Variants in MTUS2 observed in about 807,000 individuals in gnomAD.
MTUS2 encodes microtubule-associated tumor suppressor candidate 2.
Under a neutral mutation model 114.1 loss-of-function variants are expected in MTUS2, and 40 were observed. That is an observed-to-expected ratio of 0.35 (90% CI 0.27 to 0.46). The LOEUF (loss-of-function observed/expected upper bound fraction) is 0.46. MTUS2 is among the 20% of genes least tolerant of loss of function. The pLI, the probability that MTUS2 is intolerant of heterozygous loss-of-function variation, is 1.00. For missense variants in MTUS2, 1,679 were observed against 1,705.4 expected (o/e 0.98, Z 0.27); for synonymous variants, 688 against 672.0 (o/e 1.02, Z -0.37).
chr13:29,362,504 C>G (rs927057485), intron 8 of MTUS2, among the ~76,000 whole-genome samples: 16 of 111,120 alleles, frequency 1.4e-4, no homozygotes, highest in African/African-American at 4.3e-4. Context: ...TGGTGAAACC[C>G]CATCTCTACC....
Position 28,970,522 on chromosome 13 carries a change from G to C in MTUS2, c.-242-53935G>C, listed in dbSNP as rs116292034. Among the ~76,000 whole-genome samples the C allele has an allele frequency of 1.5e-3, 236 of 152,342 alleles. 1 individual carries two copies. The highest frequency in any genetic ancestry group is 5.1e-3 in the African/African-American group (211 of 41,576). On this transcript the variant is annotated intron_variant, in intron 2 of 15. Coordinates refer to ENST00000612955, the MANE Select transcript of MTUS2 (RefSeq NM_001033602.4). The stretch of plus-strand genomic sequence containing the variant: ...CAACAGGGACTGTGTGGCCTGCAAA[G>C]CCTGAAGTATTTGCTCTATGGCTGT...
intron 5 of MTUS2, among the ~76,000 whole-genome samples, chr13:29,242,279 T>A (rs1207926141): frequency 6.6e-6 from 1 of 152,190 alleles, no homozygotes; most frequent in Non-Finnish European, 1.5e-5. Flanking sequence ...CTACTGTCTA[T>A]CAATTTGCCT....
intron 5 of MTUS2, among the ~76,000 whole-genome samples, chr13:29,145,715 T>G (rs1487597610): frequency 6.6e-6 from 1 of 152,146 alleles, no homozygotes; most frequent in African/African-American, 2.4e-5. Flanking sequence ...AGAAATATTT[T>G]TCTGCAGCTT....
intron 5 of MTUS2, among the ~76,000 whole-genome samples, chr13:29,105,621 T>A (rs1593481912): frequency 2.7e-5 from 4 of 147,288 alleles, no homozygotes; most frequent in Non-Finnish European, 3.0e-5. Context: ...AAAAAACAAG[T>A]AAAAAAAAAA....
chr13:29,157,696 A>G (rs141404891), intron 5 of MTUS2, among the ~76,000 whole-genome samples: 1 of 152,318 alleles, frequency 6.6e-6, no homozygotes, highest in Non-Finnish European at 1.5e-5. Context: ...GTATGTGGCC[A>G]CTAAGTCAGA....
At chr13:29,137,570 C>T (rs547565064) in intron 5 of MTUS2, among the ~76,000 whole-genome samples, 30 of 151,620 alleles carry the variant, frequency 2.0e-4, no homozygotes, top group African/African-American at 7.0e-4. Flanking sequence ...CTTCTTTGTT[C>T]TTTCTTCTTC....
intron 5 of MTUS2, among the ~76,000 whole-genome samples, chr13:29,173,789 TA>T (rs910109870): frequency 1.3e-5 from 2 of 152,062 alleles, no homozygotes; most frequent in Admixed American, 6.6e-5. Flanking sequence ...AAACCTGCAT[TA>T]AAAAAACTCC....
At chr13:29,422,041 G>A (rs550726615) in intron 8 of MTUS2, among the ~76,000 whole-genome samples, 2 of 152,270 alleles carry the variant, frequency 1.3e-5, no homozygotes, top group Admixed American at 6.5e-5. Context: ...AGAGGCTCTT[G>A]CTCTAAGATA....
rs34068964 is a variant in MTUS2 at position 29,337,955 on chromosome 13, A to ATTTT, written c.2905+13255_2905+13258dup. ...AGGTGTGTGTCACTATGCCCTGCTA[A>ATTTT]TTTTTTTTTTTTTTAGTAGAGACAG... On this transcript the variant is annotated intron_variant, in intron 7 of 15. Coordinates refer to ENST00000612955, the MANE Select transcript of MTUS2 (RefSeq NM_001033602.4). 8.1e-4 allele frequency among the ~76,000 whole-genome samples: 116 copies of ATTTT among 143,456 alleles called. 2 individuals are homozygous for ATTTT. Among genetic ancestry groups the ATTTT allele is most frequent in the Middle Eastern group, 7.1e-3 (2 of 280 alleles). 94.1% of individuals were successfully genotyped at this position (143,456 alleles called of 152,430 possible).
At chr13:29,490,439 G>A (rs1881977453) in intron 11 of MTUS2, among the ~76,000 whole-genome samples, 2 of 152,234 alleles carry the variant, frequency 1.3e-5, no homozygotes, top group Non-Finnish European at 2.9e-5. Context: ...CAAATTGCTT[G>A]TGTAGCCAGA....
rs56965083 is a variant in MTUS2, at chr13:29,200,521, G to GTTTTTTTTTTTTTTTTTTTTTT, written c.2645-81167_2645-81166insTTTTTTTTTTTTTTTTTTTTTT. ...TGGTTTTGAGTGAGTTTCTTTTTCT[G>GTTTTTTTTTTTTTTTTTTTTTT]TTTTTTTTTTTTTTTTGAGATGGAG... is the stretch of plus-strand genomic sequence containing the variant. On this transcript the variant is annotated intron_variant, in intron 5 of 15. Coordinates refer to ENST00000612955, the MANE Select transcript of MTUS2 (RefSeq NM_001033602.4). 4.6e-4 allele frequency among the ~76,000 whole-genome samples: 39 copies of GTTTTTTTTTTTTTTTTTTTTTT among 85,406 alleles called. 5 individuals carry two copies. The highest frequency in any genetic ancestry group is 6.8e-4 in the East Asian group (2 of 2,956). The allele number at this position is 85,406 out of a possible 152,430, so 56.0% of individuals were successfully genotyped here.
intron 2 of MTUS2, among the ~76,000 whole-genome samples, chr13:28,902,245 T>C (rs1879689398): frequency 6.6e-6 from 1 of 152,186 alleles, no homozygotes; most frequent in Non-Finnish European, 1.5e-5. Flanking sequence ...CTTGGGAAAT[T>C]CTATGTAGCA....
Position 29,503,491 on chromosome 13 carries a change from A to G in MTUS2, c.*285A>G, listed in dbSNP as rs1883048513. The G allele has an allele frequency of 1.8e-6, 1 of 547,680 alleles. No homozygotes were observed. The highest frequency in any genetic ancestry group is 3.3e-6 in the Non-Finnish European group (1 of 304,654). 33.9% of individuals were successfully genotyped at this position (547,680 alleles called of 1,614,324 possible). A position where few individuals can be genotyped will look rare whatever the true frequency, so the allele number is the denominator to read the frequency against. ...CAATGAACTTTCACTGCAGAATTTC[A>G]GGTTAGTTACAAAAAGCTCAGTTTT... On this transcript the variant is annotated 3_prime_UTR_variant, in exon 16 of 16. Coordinates refer to ENST00000612955, the MANE Select transcript of MTUS2 (RefSeq NM_001033602.4).
At chr13:29,182,968 G>C (rs1894068621) in intron 5 of MTUS2, among the ~76,000 whole-genome samples, 1 of 152,144 alleles carries the variant, frequency 6.6e-6, no homozygotes, top group Non-Finnish European at 1.5e-5. Flanking sequence ...AGATGACGAG[G>C]AGGAACAATC....
chr13:28,831,155 T>TATATA (rs148518833), intron 1 of MTUS2, among the ~76,000 whole-genome samples: 2 of 151,386 alleles, frequency 1.3e-5, no homozygotes, highest in Non-Finnish European at 2.9e-5. Flanking sequence ...AACTAAAAAA[T>TATATA]GTAAAAGAAA....
chr13:28,949,822 T>C (rs34889317), intron 2 of MTUS2, among the ~76,000 whole-genome samples: 5,797 of 150,012 alleles, frequency 0.039, 134 homozygotes, highest in Admixed American at 0.044. Flanking sequence ...TATTCCACTG[T>C]AAAGATATAC....
At chr13:29,139,186 G>A (rs769204454) in intron 5 of MTUS2, among the ~76,000 whole-genome samples, 1 of 152,128 alleles carries the variant, frequency 6.6e-6, no homozygotes, top group South Asian at 2.1e-4. Context: ...CCTAATGAGA[G>A]GTTCTTTTAT....
intron 1 of MTUS2, among the ~76,000 whole-genome samples, chr13:28,837,685 T>TGTCTG (rs1875187671): frequency 6.6e-6 from 1 of 152,240 alleles, no homozygotes; most frequent in Non-Finnish European, 1.5e-5. Flanking sequence ...AATTCCAACT[T>TGTCTG]GTCTGTTAAT....
At chr13:29,159,907 G>A (rs979217531) in intron 5 of MTUS2, among the ~76,000 whole-genome samples, 1 of 152,192 alleles carries the variant, frequency 6.6e-6, no homozygotes, top group Non-Finnish European at 1.5e-5. Flanking sequence ...ATGTGAAATG[G>A]TACAGCCACT....
Sources: allele counts gnomAD v4.1 joint callset (sites outside exome capture counted in the v4.1 genomes callset), GRCh38; gene constraint gnomAD v4.1.1; transcripts MANE v1.5; gene names NCBI Gene and HGNC (gene_info 2026-07-23, HGNC 2026-07-21).